The following OSTM1 variants were observed in gnomAD, a reference collection of about 807,000 sequenced individuals.
The protein encoded by OSTM1 is osteoclastogenesis associated transmembrane protein 1.
In OSTM1, 26 loss-of-function variants were observed where a neutral mutation model predicts 35.4. The observed-to-expected ratio is 0.73, with a 90% CI of 0.54 to 1.02. OSTM1 has a LOEUF of 1.02. Among genes scored for constraint, OSTM1 ranks in the 50% least tolerant of loss-of-function variants. OSTM1 has a pLI of 0.00. For missense variants in OSTM1, 366 were observed against 409.6 expected (o/e 0.89, Z 0.92); for synonymous variants, 181 against 165.0 (o/e 1.10, Z -0.75).
At chr6:108,063,925 G>C (rs953257979) in intron 2 of OSTM1, among the ~76,000 whole-genome samples, 5 of 152,164 alleles carry the variant, frequency 3.3e-5, no homozygotes, top group African/African-American at 1.2e-4. Flanking sequence ...ACAGCTAGTA[G>C]GTTAGGGCTA....
At chr6:108,054,735 CCTTTT>C (rs1276969083) in intron 2 of OSTM1, 148 bp from the exon 3 acceptor site, 1 of 447,136 alleles carries the variant, frequency 2.2e-6, no homozygotes, top group Non-Finnish European at 4.0e-6. Flanking sequence ...GAAGCTTACT[CCTTTT>C]ATTTTCCAAA....
rs1302584921 is a variant in OSTM1 at position 108,074,562 on chromosome 6, C to T, written c.90G>A (p.Leu30=). The T allele has an allele frequency of 6.4e-7, 1 of 1,559,734 alleles. No homozygotes were observed. The change falls in exon 1 of 6, where the codon CTG becomes CTA. Residue 30 remains leucine, a synonymous_variant. Transcript: ENST00000193322. ...GACTGCTGCCGAAGGGGAGCGCGCC[C>T]AGGGCCAGCCCCGACCACAGCAGCA... ...LGLLLWSGLA[L]GALPFGSSPH...
At chr6:108,054,254 C>T (rs572871428) in intron 3 of OSTM1, among the ~76,000 whole-genome samples, 1 of 152,242 alleles carries the variant, frequency 6.6e-6, no homozygotes, top group East Asian at 1.9e-4. Context: ...ATTCTCATTA[C>T]AAAATACTTT....
intron 1 of OSTM1, among the ~76,000 whole-genome samples, chr6:108,071,016 G>A (rs541131555): frequency 1.9e-4 from 28 of 147,534 alleles, no homozygotes; most frequent in Admixed American, 1.0e-3. Context: ...GTGAAACCCC[G>A]TCTTTACTAA....
Position 108,044,703 on chromosome 6 carries a change from C to T in OSTM1, c.*82G>A. On this transcript the variant is annotated 3_prime_UTR_variant, in exon 6 of 6. Transcript: ENST00000193322. Reference sequence around the variant, plus strand: ...TTCTTAAGAGCTTGACTTGTCAAATCACAGTTTATCTTCTTTCTGAAACCA... The same window carrying T: ...TTCTTAAGAGCTTGACTTGTCAAATTACAGTTTATCTTCTTTCTGAAACCA... 1.3e-6 allele frequency: 1 copy of T among 784,950 alleles called. No individual in the cohort carries two copies. Among genetic ancestry groups the T allele is most frequent in the Non-Finnish European group, 2.2e-6 (1 of 447,616 alleles). The allele number at this position is 784,950 out of a possible 1,614,324, so 48.6% of individuals were successfully genotyped here.
At chr6:108,054,221 T>C (rs1772131172) in intron 3 of OSTM1, among the ~76,000 whole-genome samples, 1 of 152,206 alleles carries the variant, frequency 6.6e-6, no homozygotes, top group Admixed American at 6.5e-5. Flanking sequence ...CAATCAATGT[T>C]TTCACAATCA....
rs920677135 is a variant in OSTM1, at chr6:108,043,625, G to A, written c.*1160C>T. On this transcript the variant is annotated 3_prime_UTR_variant, in exon 6 of 6. Coordinates refer to ENST00000193322, the MANE Select transcript of OSTM1 (RefSeq NM_014028.4). ...ATAAAACTGTGAACAATTCTGAAACGGAGTGTTTTTTCTAAAGGCTAATAC... is the reference window on the plus strand; with the variant it reads ...ATAAAACTGTGAACAATTCTGAAACAGAGTGTTTTTTCTAAAGGCTAATAC... 4 of 152,096 alleles carry A rather than the reference G, an allele frequency of 2.6e-5. No homozygotes were observed. Among genetic ancestry groups the A allele is most frequent in the African/African-American group, 7.2e-5 (3 of 41,400 alleles). 9.4% of individuals were successfully genotyped at this position (152,096 alleles called of 1,614,324 possible).
intron 1 of OSTM1, among the ~76,000 whole-genome samples, chr6:108,065,167 A>T (rs1772354910): frequency 6.7e-6 from 1 of 150,008 alleles, no homozygotes; most frequent in South Asian, 2.1e-4. Flanking sequence ...CCATGAACAG[A>T]ACATTTTAAA....
rs1239796329 is a variant in OSTM1, at chr6:108,074,693, C to T, written c.-42G>A. On this transcript the variant is annotated 5_prime_UTR_variant, in exon 1 of 6. Coordinates refer to ENST00000193322, the MANE Select transcript of OSTM1 (RefSeq NM_014028.4). ...CCCAGGGAGCCCACCGCCGCCTCTCCGCCCCCAGCCGGCACCGCGGACAGC... is the reference window on the plus strand; with the variant it reads ...CCCAGGGAGCCCACCGCCGCCTCTCTGCCCCCAGCCGGCACCGCGGACAGC... 1.3e-6 allele frequency: 2 copies of T among 1,485,292 alleles called. No individual in the cohort carries two copies. Among genetic ancestry groups the T allele is most frequent in the Non-Finnish European group, 1.8e-6 (2 of 1,124,864 alleles). The allele number at this position is 1,485,292 out of a possible 1,614,324, so 92.0% of individuals were successfully genotyped here. A position where few individuals can be genotyped will look rare whatever the true frequency, so the allele number is the denominator to read the frequency against.
intron 2 of OSTM1, among the ~76,000 whole-genome samples, chr6:108,062,027 CTA>C (rs1260977891): frequency 6.6e-6 from 1 of 150,960 alleles, no homozygotes; most frequent in African/African-American, 2.5e-5. Context: ...TTTTCTATTT[CTA>C]TGTTTTTTTT....
At chr6:108,073,345 C>G (rs1772519615) in intron 1 of OSTM1, among the ~76,000 whole-genome samples, 2 of 152,184 alleles carry the variant, frequency 1.3e-5, no homozygotes, top group South Asian at 4.1e-4. Flanking sequence ...GCCCACACCT[C>G]GTGACTCCCA....
At position 108,041,748 on chromosome 6, in the gene OSTM1, A is replaced by T. The variant is rs1432467751; in HGVS notation, c.*3037T>A. On this transcript the variant is annotated 3_prime_UTR_variant, in exon 6 of 6. Coordinates refer to ENST00000193322, the MANE Select transcript of OSTM1 (RefSeq NM_014028.4). The stretch of plus-strand genomic sequence containing the variant: ...TCCACTTATTTAGTCTTAATAAGGT[A>T]GGGAAATAAGTGACATACTTTTTAG... 1 of 152,212 alleles carries T rather than the reference A, an allele frequency of 6.6e-6. No homozygotes were observed. The highest frequency in any genetic ancestry group is 6.5e-5 in the Admixed American group (1 of 15,286). 9.4% of individuals were successfully genotyped at this position (152,212 alleles called of 1,614,324 possible).
chr6:108,057,358 T>C (rs1442507483), intron 2 of OSTM1, among the ~76,000 whole-genome samples: 1 of 152,210 alleles, frequency 6.6e-6, no homozygotes, highest in Non-Finnish European at 1.5e-5. Context: ...AAAACAATTA[T>C]ATAGTTTTTG....
chr6:108,048,749 C>CTTTTTT (rs575605197), intron 5 of OSTM1, among the ~76,000 whole-genome samples: 6 of 111,786 alleles, frequency 5.4e-5, no homozygotes, highest in African/African-American at 1.5e-4. Flanking sequence ...TGTGTTTTAA[C>CTTTTTT]TTTTTTTTTT....
At position 108,043,111 on chromosome 6, in the gene OSTM1, A is replaced by G. The variant is rs1282463377; in HGVS notation, c.*1674T>C. On this transcript the variant is annotated 3_prime_UTR_variant, in exon 6 of 6. Coordinates refer to ENST00000193322, the MANE Select transcript of OSTM1 (RefSeq NM_014028.4). ...CAAAAACAATGGTTTTTACAAATAC[A>G]TAATACTGAAAGGTGCTCAAAAAGT... 4.6e-5 allele frequency: 7 copies of G among 152,272 alleles called. No homozygotes were observed. The South Asian group carries it at 1.0e-3, about 23-fold the overall frequency. The allele number at this position is 152,272 out of a possible 1,614,324, so 9.4% of individuals were successfully genotyped here. A position where few individuals can be genotyped will look rare whatever the true frequency, so the allele number is the denominator to read the frequency against.
At chr6:108,060,143 G>A (rs9374013) in intron 2 of OSTM1, among the ~76,000 whole-genome samples, 35,117 of 151,760 alleles carry the variant, frequency 0.23, 4,154 homozygotes, top group Admixed American at 0.26. Context: ...TCTGTACCTC[G>A]CTTCTTTTAC....
intron 2 of OSTM1, chr6:108,060,917 T>C (rs1053366855): frequency 2.6e-5 from 4 of 152,178 alleles, no homozygotes; most frequent in African/African-American, 4.8e-5. Context: ...ACTGCTGCAC[T>C]TGACTAGTCT....
intron 5 of OSTM1, among the ~76,000 whole-genome samples, chr6:108,045,059 T>C (rs1771943335): frequency 6.6e-6 from 1 of 152,116 alleles, no homozygotes; most frequent in Non-Finnish European, 1.5e-5. Context: ...TTAGAAGCAG[T>C]ACAAATAAAA....
intron 1 of OSTM1, among the ~76,000 whole-genome samples, chr6:108,072,255 G>C (rs1020734089): frequency 1.3e-5 from 2 of 152,156 alleles, no homozygotes; most frequent in Admixed American, 6.5e-5. Context: ...ATTTTAAAGT[G>C]ATAGTAAGAT....
Sources: gnomAD v4.1 joint callset for allele counts (sites outside exome capture counted in the v4.1 genomes callset) on GRCh38, gnomAD v4.1.1 for gene constraint, MANE v1.5 for transcripts, NCBI Gene and HGNC (gene_info 2026-07-23, HGNC 2026-07-21) for gene names.